ZNF503: variants seen among roughly 807,000 people sequenced by gnomAD.
ZNF503 encodes zinc finger protein 503.
Under a neutral mutation model 34.4 loss-of-function variants are expected in ZNF503, and 15 were observed. That is an observed-to-expected ratio of 0.44 (90% confidence interval 0.29 to 0.67). The LOEUF is 0.67. Ranked by LOEUF, ZNF503 falls within the 30% of genes least tolerant of loss-of-function variation. The probability of loss-of-function intolerance (pLI) is 0.13; values close to 1 mark genes in which losing one functional copy is unlikely to be tolerated. For synonymous variants in ZNF503, 580 were observed against 456.8 expected (o/e 1.27, Z -3.44); for missense variants, 1,007 against 926.8 (o/e 1.09, Z -1.12).
At chr10:75,351,095 G>A in the ZNF503 span, among the ~76,000 whole-genome samples, 1 of 151,644 alleles carries the variant, frequency 6.6e-6, no homozygotes, top group African/African-American at 2.4e-5. Context: ...CATGATGATG[G>A]GGATCTTATC....
At chr10:75,322,526 A>G in the ZNF503 span, among the ~76,000 whole-genome samples, 88 of 152,172 alleles carry the variant, frequency 5.8e-4, no homozygotes, top group African/African-American at 2.0e-3. Flanking sequence ...TAATTTTTCT[A>G]TGGAAACAAT....
chr10:75,393,194 G>C (rs1301484594), downstream of ZNF503, among the ~76,000 whole-genome samples: 1 of 152,220 alleles, frequency 6.6e-6, no homozygotes, highest in East Asian at 1.9e-4. Context: ...GTACCTTCGG[G>C]AGTTTTGGGG....
the ZNF503 span, among the ~76,000 whole-genome samples, chr10:75,356,931 A>G: frequency 1.3e-5 from 2 of 152,206 alleles, no homozygotes; most frequent in African/African-American, 2.4e-5. Context: ...TATTTATTGA[A>G]GAAGAAAACA....
At chr10:75,400,399 G>A in intron 1 of ZNF503, 25 bp from the exon 2 acceptor site, 1 of 1,585,796 alleles carries the variant, frequency 6.3e-7, no homozygotes, top group Non-Finnish European at 8.6e-7. Context: ...GATGGGGGGG[G>A]AGCGTCACAC....
chr10:75,342,931 G>A, the ZNF503 span, among the ~76,000 whole-genome samples: 655 of 152,272 alleles, frequency 4.3e-3, 3 homozygotes, highest in African/African-American at 0.015. Context: ...ACTTAAATGC[G>A]TTAATGTGAA....
chr10:75,400,461 C>T (rs1843782915), intron 1 of ZNF503, 87 bp from the exon 2 acceptor site: 3 of 1,464,224 alleles, frequency 2.0e-6, no homozygotes, highest in African/African-American at 2.8e-5. Context: ...GTTCAAATGC[C>T]TCTCCGCAAC....
Position 75,401,609 on chromosome 10 carries a change from G to T in ZNF503, c.-190C>A, listed in dbSNP as rs1190761608. The stretch of plus-strand genomic sequence containing the variant: ...CGAGTAATCCTGGGTGGCCCGCAGC[G>T]GAGCCGTGGCCGGGCTAGAGGAGCC... On this transcript the variant is annotated 5_prime_UTR_variant, in exon 1 of 2. Coordinates refer to ENST00000372524, the MANE Select transcript of ZNF503 (RefSeq NM_032772.6). The T allele has an allele frequency of 2.9e-6, 2 of 691,430 alleles. No homozygotes were observed. Among genetic ancestry groups the T allele is most frequent in the African/African-American group, 3.8e-5 (2 of 52,234 alleles). The allele number at this position is 691,430 out of a possible 1,614,324, so 42.8% of individuals were successfully genotyped here. A position where few individuals can be genotyped will look rare whatever the true frequency, so the allele number is the denominator to read the frequency against.
At chr10:75,303,899 T>C in the ZNF503 span, among the ~76,000 whole-genome samples, 1 of 145,772 alleles carries the variant, frequency 6.9e-6, no homozygotes, top group African/African-American at 2.5e-5. Flanking sequence ...AGTGGTACAA[T>C]CTCAGTTCAC....
At chr10:75,343,841 A>T in the ZNF503 span, among the ~76,000 whole-genome samples, 1 of 152,218 alleles carries the variant, frequency 6.6e-6, no homozygotes, top group Non-Finnish European at 1.5e-5. Context: ...AAGAAAACCC[A>T]GCATGCCCAC....
chr10:75,318,000 AATAC>A, the ZNF503 span, among the ~76,000 whole-genome samples: 6 of 150,620 alleles, frequency 4.0e-5, no homozygotes, highest in South Asian at 2.1e-4. Flanking sequence ...TGTCTCAACA[AATAC>A]ATACATACAT....
At chr10:75,328,202 G>A in the ZNF503 span, among the ~76,000 whole-genome samples, 1 of 151,964 alleles carries the variant, frequency 6.6e-6, no homozygotes, top group African/African-American at 2.4e-5. Context: ...TTTCCTTTAT[G>A]TTTTCTTCTA....
chr10:75,361,403 C>T, the ZNF503 span: 23 of 152,268 alleles, frequency 1.5e-4, no homozygotes, highest in African/African-American at 4.8e-4. Context: ...CCAGTCTCAG[C>T]CCTCTGAGAA....
At chr10:75,379,808 C>T in the ZNF503 span, among the ~76,000 whole-genome samples, 55 of 152,222 alleles carry the variant, frequency 3.6e-4, no homozygotes, top group Non-Finnish European at 6.9e-4. Context: ...AAGTGACACT[C>T]GAGGAACCAG....
chr10:75,355,762 T>A, the ZNF503 span, among the ~76,000 whole-genome samples: 11 of 152,218 alleles, frequency 7.2e-5, no homozygotes, highest in African/African-American at 2.7e-4. Context: ...AACCATTTAT[T>A]ATGTTTATAG....
At chr10:75,286,818 G>A in the ZNF503 span, among the ~76,000 whole-genome samples, 15 of 152,182 alleles carry the variant, frequency 9.9e-5, no homozygotes, top group Admixed American at 2.6e-4. Flanking sequence ...GGGCTGCGTC[G>A]CCTCTCCAGA....
the ZNF503 span, among the ~76,000 whole-genome samples, chr10:75,376,886 G>T: frequency 5.3e-5 from 8 of 152,092 alleles, no homozygotes; most frequent in African/African-American, 9.7e-5. Flanking sequence ...AACAGCATGG[G>T]GGAACCGCCC....
the ZNF503 span, among the ~76,000 whole-genome samples, chr10:75,379,544 C>T: frequency 2.0e-5 from 3 of 152,224 alleles, no homozygotes; most frequent in African/African-American, 7.2e-5. Flanking sequence ...ATCACTGCTT[C>T]ACGTTGCTGG....
At chr10:75,359,754 T>A in the ZNF503 span, among the ~76,000 whole-genome samples, 1 of 152,160 alleles carries the variant, frequency 6.6e-6, no homozygotes, top group Non-Finnish European at 1.5e-5. Flanking sequence ...GCTGGGCCAG[T>A]GAAAGCTATT....
chr10:75,311,477 C>T, the ZNF503 span, among the ~76,000 whole-genome samples: 3 of 152,116 alleles, frequency 2.0e-5, no homozygotes, highest in Non-Finnish European at 4.4e-5. Flanking sequence ...GGCAGAGATG[C>T]TAAAATTATC....
Sources: gnomAD v4.1 joint callset for allele counts (sites outside exome capture counted in the v4.1 genomes callset) on GRCh38, gnomAD v4.1.1 for gene constraint, MANE v1.5 for transcripts, NCBI Gene and HGNC (gene_info 2026-07-23, HGNC 2026-07-21) for gene names.